FAM184B: variants seen among roughly 807,000 people sequenced by gnomAD.
The protein encoded by FAM184B is protein FAM184B.
Under a neutral mutation model 135.9 loss-of-function variants are expected in FAM184B, and 111 were observed. That is an observed-to-expected ratio of 0.82 (90% CI 0.70 to 0.96). The LOEUF is 0.96. Among genes scored for constraint, FAM184B ranks in the 40% least tolerant of loss-of-function variants. The pLI is 0.00. For missense variants in FAM184B, 1,375 were observed against 1,323.9 expected (o/e 1.04, Z -0.60); for synonymous variants, 552 against 524.8 (o/e 1.05, Z -0.71).
chr4:17,655,700 A>G (rs765824967), intron 10 of FAM184B, among the ~76,000 whole-genome samples: 17 of 152,316 alleles, frequency 1.1e-4, no homozygotes, highest in South Asian at 6.2e-4. Flanking sequence ...GTAAGGACAC[A>G]TAGTGTAGTG....
intron 7 of FAM184B, among the ~76,000 whole-genome samples, chr4:17,686,883 G>A (rs1010041647): frequency 3.3e-5 from 5 of 152,204 alleles, no homozygotes; most frequent in Non-Finnish European, 5.9e-5. Context: ...TTGAGGCTGC[G>A]TGAGCTGTGA....
chr4:17,758,655 T>G (rs1197821236), intron 1 of FAM184B, among the ~76,000 whole-genome samples: 1 of 152,054 alleles, frequency 6.6e-6, no homozygotes, highest in African/African-American at 2.4e-5. Context: ...GCTCCTACGG[T>G]GAAGAAAAAG....
chr4:17,742,960 T>A (rs910388979), intron 1 of FAM184B, among the ~76,000 whole-genome samples: 3 of 152,222 alleles, frequency 2.0e-5, no homozygotes, highest in African/African-American at 7.2e-5. Flanking sequence ...TGGTTATACA[T>A]GCTTGGAGCT....
At position 17,648,378 on chromosome 4, in the gene FAM184B, G is replaced by A. The variant is rs868076502; in HGVS notation, c.2192-587C>T. Among the ~76,000 whole-genome samples, 6 of 151,834 alleles carry A rather than the reference G, an allele frequency of 4.0e-5. No individual in the cohort carries two copies. The South Asian group carries it at 6.3e-4, about 16-fold the overall frequency. ...TTATTTTTTTTTGAGATGGAGTCTC[G>A]GTTTGTTTCCCAGGCTGGAGTGCAG... On this transcript the variant is annotated intron_variant, in intron 11 of 17. Transcript: ENST00000265018.
Position 17,659,944 on chromosome 4 carries a change from C to G in FAM184B, c.1824+14G>C. 1 of 1,550,060 alleles carries G rather than the reference C, an allele frequency of 6.5e-7. No individual in the cohort carries two copies. Among genetic ancestry groups the G allele is most frequent in the Non-Finnish European group, 8.7e-7 (1 of 1,146,790 alleles). ...TCTCAGGAAGGGGGCACATCCCCAC[C>G]AGGGTTGTCCTACCTGGGCTTGCAA... On this transcript the variant is annotated intron_variant, in intron 9 of 17. Coordinates refer to ENST00000265018, the MANE Select transcript of FAM184B (RefSeq NM_015688.2).
intron 1 of FAM184B, among the ~76,000 whole-genome samples, chr4:17,768,280 A>G (rs1560197361): frequency 6.6e-6 from 1 of 151,576 alleles, no homozygotes; most frequent in African/African-American, 2.4e-5. Context: ...TCTGAACCCC[A>G]CCCCCCCTTT....
At chr4:17,736,162 T>TA (rs888967142) in intron 1 of FAM184B, among the ~76,000 whole-genome samples, 3 of 152,116 alleles carry the variant, frequency 2.0e-5, no homozygotes, top group Non-Finnish European at 2.9e-5. Context: ...GTTTTACAGA[T>TA]AGACAAACCA....
chr4:17,688,531 C>A lies in FAM184B; in HGVS notation c.1489G>T (p.Val497Phe), dbSNP rs1402147209. The stretch of plus-strand genomic sequence containing the variant: ...TGGATAAATTCTTCCAGCCTTAAAA[C>A]CTAAAACAGGAGATAAGAAACACCA... Reference protein sequence around the residue: ...NVKLQNSLLEVLRLEEFIQQN... With the variant: ...NVKLQNSLLEFLRLEEFIQQN... Residue 497 changes from valine (V) to phenylalanine (F), a missense_variant and splice_region_variant, in exon 7 of 18, where the codon GTT (valine) becomes TTT (phenylalanine). Physicochemically the swap from Val to Phe is conservative, Grantham distance 50. Coordinates refer to ENST00000265018, the MANE Select transcript of FAM184B (RefSeq NM_015688.2). 2 of 1,545,770 alleles carry A rather than the reference C, an allele frequency of 1.3e-6. No homozygotes were observed.
chr4:17,687,838 C>G (rs1169670890), intron 7 of FAM184B, among the ~76,000 whole-genome samples: 3 of 152,208 alleles, frequency 2.0e-5, no homozygotes, highest in African/African-American at 4.8e-5. Context: ...GATTTCAGAC[C>G]TCTGGCCTCC....
chr4:17,781,376 G>T lies in FAM184B; in HGVS notation c.-77C>A. ...TGTGCACGTGCGTGCGCGCGCGGGC[G>T]TGCGAGCGTGTGGGTTTCTCGGGAG... On this transcript the variant is annotated 5_prime_UTR_variant, in exon 1 of 18. Coordinates refer to ENST00000265018, the MANE Select transcript of FAM184B (RefSeq NM_015688.2). This position sits in a 1 kb window ranked among gnomAD's most constrained non-coding sequence, Gnocchi z 6.5. The T allele has an allele frequency of 7.2e-7, 1 of 1,397,068 alleles. No homozygotes were observed. The highest frequency in any genetic ancestry group is 9.3e-7 in the Non-Finnish European group (1 of 1,069,714). The allele number at this position is 1,397,068 out of a possible 1,614,324, so 86.5% of individuals were successfully genotyped here.
chr4:17,652,301 T>C (rs1715643360), intron 11 of FAM184B, among the ~76,000 whole-genome samples: 2 of 151,928 alleles, frequency 1.3e-5, no homozygotes, highest in Admixed American at 1.3e-4. Context: ...ATTTTTTGTA[T>C]TTTTAGTAGA....
chr4:17,770,365 G>A (rs1718787843), intron 1 of FAM184B, among the ~76,000 whole-genome samples: 1 of 152,244 alleles, frequency 6.6e-6, no homozygotes, highest in Admixed American at 6.5e-5. Context: ...GGTGGAGGTG[G>A]AAATGGAGAA....
chr4:17,687,883 C>G (rs1384942715), intron 7 of FAM184B, among the ~76,000 whole-genome samples: 7 of 152,170 alleles, frequency 4.6e-5, no homozygotes, highest in Admixed American at 4.6e-4. Context: ...ATGGCTGAAG[C>G]CACCAAGTAC....
At chr4:17,748,993 A>ATTTTT (rs35520026) in intron 1 of FAM184B, among the ~76,000 whole-genome samples, 1 of 128,196 alleles carries the variant, frequency 7.8e-6, no homozygotes, top group East Asian at 2.3e-4. Flanking sequence ...CACCCAGCTA[A>ATTTTT]TTTTTTTTTT....
chr4:17,736,836 G>A (rs543929956), intron 1 of FAM184B, among the ~76,000 whole-genome samples: 1 of 152,280 alleles, frequency 6.6e-6, no homozygotes, highest in South Asian at 2.1e-4. Flanking sequence ...CTCATGGATG[G>A]TTCAATTATT....
intron 1 of FAM184B, among the ~76,000 whole-genome samples, chr4:17,742,984 A>G (rs1202224789): frequency 2.0e-5 from 3 of 152,206 alleles, no homozygotes; most frequent in Non-Finnish European, 4.4e-5. Context: ...GTGGAGCCCC[A>G]CAGAGCTTGC....
chr4:17,754,341 C>T (rs560820093), intron 1 of FAM184B, among the ~76,000 whole-genome samples: 110 of 152,082 alleles, frequency 7.2e-4, no homozygotes, highest in African/African-American at 2.4e-3. Context: ...CACCTGAGTT[C>T]GGCAGTTTGA....
At chr4:17,654,356 T>C (rs1715732439) in intron 10 of FAM184B, among the ~76,000 whole-genome samples, 1 of 151,794 alleles carries the variant, frequency 6.6e-6, no homozygotes, top group Admixed American at 6.6e-5. Context: ...AACTCTTTTT[T>C]ATATATATAT....
intron 1 of FAM184B, among the ~76,000 whole-genome samples, chr4:17,777,939 A>C (rs946293183): frequency 6.6e-6 from 1 of 152,146 alleles, no homozygotes; most frequent in African/African-American, 2.4e-5. Flanking sequence ...CTCTACAAAA[A>C]ATTTTTTAAA....
Sources: gnomAD v4.1 joint callset for allele counts (sites outside exome capture counted in the v4.1 genomes callset) on GRCh38, gnomAD v4.1.1 for gene constraint, Gnocchi (gnomAD v3.1) non-coding constraint, MANE v1.5 for transcripts, NCBI Gene and HGNC (gene_info 2026-07-23, HGNC 2026-07-21) for gene names.